Variants in NLRP2 observed in about 807,000 individuals in gnomAD.
The protein encoded by NLRP2 is NACHT, LRR and PYD domains-containing protein 2.
NLRP2 carries 107 observed loss-of-function variants against 97.2 expected under a neutral mutation model. The ratio of observed to expected loss-of-function variants is 1.10; its 90% CI spans 0.94 to 1.29. The LOEUF is 1.29. NLRP2 is among the 50% of genes most tolerant of loss of function. The probability of loss-of-function intolerance (pLI) is 0.00; values close to 1 mark genes in which losing one functional copy is unlikely to be tolerated. For synonymous variants in NLRP2, 663 were observed against 551.5 expected, an observed-to-expected ratio of 1.20 and a Z score of -2.83; for missense variants, 1,495 against 1,330.3, an observed-to-expected ratio of 1.12 and a Z score of -1.93.
chr19:54,990,416 C>CT, intron 9 of NLRP2, 86 bp from the exon 10 acceptor site: 1 of 1,413,554 alleles, frequency 7.1e-7, no homozygotes, highest in Non-Finnish European at 1.0e-6. Context: ...CAAGAAGGGG[C>CT]TTTTGGATGC....
intron 4 of NLRP2, among the ~76,000 whole-genome samples, chr19:54,979,199 G>T (rs1050030695): frequency 2.0e-5 from 3 of 151,928 alleles, no homozygotes; most frequent in African/African-American, 7.3e-5. Context: ...TAGCCAGGTT[G>T]GTCTAGAACT....
Position 54,982,186 on chromosome 19 carries a change from T to C in NLRP2, c.488T>C (p.Ile163Thr). ...GACAAAGACAATAGGTGCAGGTATA[T>C]ATTGAAGACGAAGTTCCGGGAGATG... Reference protein sequence around the residue: ...KPDKDNRCRYILKTKFREMWK... With the variant: ...KPDKDNRCRYTLKTKFREMWK... The change falls in exon 6 of 13, where the codon ATA (isoleucine) becomes ACA (threonine). Residue 163 changes from isoleucine (I) to threonine (T), a missense_variant. Physicochemically the swap from Ile to Thr is moderately conservative, Grantham distance 89. Transcript: ENST00000448584. 6.2e-7 allele frequency: 1 copy of C among 1,614,160 alleles called. No individual in the cohort carries two copies. Among genetic ancestry groups the C allele is most frequent in the Non-Finnish European group, 8.5e-7 (1 of 1,180,046 alleles).
chr19:54,981,074 G>A (rs1260813501), intron 4 of NLRP2, among the ~76,000 whole-genome samples: 1 of 152,180 alleles, frequency 6.6e-6, no homozygotes, highest in East Asian at 1.9e-4. Flanking sequence ...TTGCGCCACT[G>A]CACTCCAGCC....
At chr19:54,993,738 AC>A (rs796569808) in intron 10 of NLRP2, 8 of 246,716 alleles carry the variant, frequency 3.2e-5, no homozygotes, top group African/African-American at 9.0e-5. Flanking sequence ...ACACACACAC[AC>A]CCCCCTGTAA....
intron 1 of NLRP2, among the ~76,000 whole-genome samples, chr19:54,968,199 T>A (rs1377874365): frequency 1.4e-5 from 2 of 144,948 alleles, no homozygotes; most frequent in Non-Finnish European, 3.0e-5. Context: ...ATTACAGGCG[T>A]GAGCCACCGC....
chr19:54,981,524 C>CCCCCCCCA, intron 4 of NLRP2, 93 bp from the exon 5 acceptor site: 2 of 450,130 alleles, frequency 4.4e-6, no homozygotes, highest in Non-Finnish European at 9.1e-6. Flanking sequence ...CCCTCCCCCC[C>CCCCCCCCA]GCCCCATCAG....
chr19:54,983,908 T>C (rs2071841593), intron 6 of NLRP2, among the ~76,000 whole-genome samples, 180 bp downstream of exon 6: 1 of 152,222 alleles, frequency 6.6e-6, no homozygotes, highest in Non-Finnish European at 1.5e-5. Context: ...TGGAGCGCAG[T>C]GGCGCGATCT....
chr19:54,969,137 G>A (rs1568460981), intron 1 of NLRP2, among the ~76,000 whole-genome samples: 2 of 152,246 alleles, frequency 1.3e-5, no homozygotes, highest in South Asian at 4.1e-4. Flanking sequence ...TATAATGAGA[G>A]AGTGTTTTCG....
rs11883145 is a variant in NLRP2, at chr19:54,975,458, T to A, written c.325+914T>A. On this transcript the variant is annotated intron_variant, in intron 3 of 12. Transcript: ENST00000448584. ...TTATATCCTGAAGATTATTATTATT[T>A]TTTTTTTTTTTGAGATAGAGTCTCT... Among the ~76,000 whole-genome samples, 724 of 124,138 alleles carry A rather than the reference T, an allele frequency of 5.8e-3. 56 individuals carry two copies. Among genetic ancestry groups the A allele is most frequent in the South Asian group, 0.026 (107 of 4,170 alleles). The allele number at this position is 124,138 out of a possible 152,430, so 81.4% of individuals were successfully genotyped here.
At chr19:54,977,633 C>G (rs868537526) in intron 3 of NLRP2, 119 bp from the exon 4 acceptor site, 2 of 920,836 alleles carry the variant, frequency 2.2e-6, no homozygotes, top group African/African-American at 3.2e-5. Flanking sequence ...ACCTTATCAA[C>G]GTCCTTTTTA....
chr19:54,994,512 T>G (rs1346072753), intron 11 of NLRP2, 73 bp downstream of exon 11: 1 of 1,496,668 alleles, frequency 6.7e-7, no homozygotes, highest in Non-Finnish European at 9.3e-7. Flanking sequence ...AAATAATCAG[T>G]GAAGCCGACT....
intron 10 of NLRP2, among the ~76,000 whole-genome samples, chr19:54,992,574 G>GTTTTT (rs71181722): frequency 7.4e-5 from 7 of 94,990 alleles, no homozygotes; most frequent in Admixed American, 1.4e-4. Flanking sequence ...TTTTTTTTTG[G>GTTTTT]TTTTTTTTTT....
chr19:54,980,076 A>G (rs1287904621), intron 4 of NLRP2, among the ~76,000 whole-genome samples: 1 of 148,206 alleles, frequency 6.7e-6, no homozygotes, highest in Non-Finnish European at 1.5e-5. Context: ...TGCCCAGCCT[A>G]GCACACAATC....
At chr19:54,985,931 A>G (rs982005910) in intron 7 of NLRP2, among the ~76,000 whole-genome samples, 6 of 151,886 alleles carry the variant, frequency 4.0e-5, no homozygotes, top group Admixed American at 1.3e-4. Flanking sequence ...CGGGAGGCAG[A>G]GTTTGCTTTG....
At chr19:55,000,339 C>G (rs1179755750) in intron 12 of NLRP2, among the ~76,000 whole-genome samples, 1 of 121,922 alleles carries the variant, frequency 8.2e-6, no homozygotes, top group Admixed American at 1.0e-4. Flanking sequence ...TACAGTGGCA[C>G]GATCTCGGCT....
At chr19:54,998,630 CCTTT>C (rs1568547234) in intron 12 of NLRP2, among the ~76,000 whole-genome samples, 34 of 32,224 alleles carry the variant, frequency 1.1e-3, no homozygotes, top group Middle Eastern at 0.023. Context: ...TTTTTTTTTT[CCTTT>C]TTTTTTTTTT....
At chr19:54,976,613 C>T (rs747769111) in intron 3 of NLRP2, among the ~76,000 whole-genome samples, 26 of 151,934 alleles carry the variant, frequency 1.7e-4, no homozygotes, top group Admixed American at 2.0e-4. Flanking sequence ...TCACAAAGTA[C>T]TGGGATTACA....
chr19:54,990,546 C>G lies in NLRP2; in HGVS notation c.2582C>G (p.Ala861Gly). The change falls in exon 10 of 13, where the codon GCT (alanine) becomes GGT (glycine). Residue 861 changes from alanine (A) to glycine (G), a missense_variant. Physicochemically the swap from Ala to Gly is moderately conservative, Grantham distance 60. Coordinates refer to ENST00000448584, the MANE Select transcript of NLRP2 (RefSeq NM_017852.5). ...HLTEANCKDL[A>G]AVLVVSRELT... Reference sequence around the variant, plus strand: ...ACAGAAGCCAATTGCAAGGACCTTGCTGCTGTGTTGGTTGTCAGCCGGGAG... The same window carrying G: ...ACAGAAGCCAATTGCAAGGACCTTGGTGCTGTGTTGGTTGTCAGCCGGGAG... 1.2e-6 allele frequency: 2 copies of G among 1,614,162 alleles called. No individual in the cohort carries two copies. Among genetic ancestry groups the G allele is most frequent in the Non-Finnish European group, 1.7e-6 (2 of 1,180,020 alleles).
rs773779658 is a variant in NLRP2, at chr19:54,985,179, A to C, written c.2163A>C (p.Glu721Asp). ...LSASLVRILC[E>D]QIASDTCHLQ... Reference sequence around the variant, plus strand: ...CCTCCCTAGTAAGGATCCTGTGTGAACAAATAGCCTCTGACACCTGTCATC... The same window carrying C: ...CCTCCCTAGTAAGGATCCTGTGTGACCAAATAGCCTCTGACACCTGTCATC... The change falls in exon 7 of 13, where the codon GAA becomes GAC. Residue 721 changes from glutamate to aspartate, a missense_variant. Transcript: ENST00000448584. 2 of 1,614,036 alleles carry C rather than the reference A, an allele frequency of 1.2e-6. No individual in the cohort carries two copies. Among genetic ancestry groups the C allele is most frequent in the Non-Finnish European group, 1.7e-6 (2 of 1,180,034 alleles).
Sources: gnomAD v4.1 joint callset for allele counts (sites outside exome capture counted in the v4.1 genomes callset) on GRCh38, gnomAD v4.1.1 for gene constraint, MANE v1.5 for transcripts, NCBI Gene and HGNC (gene_info 2026-07-23, HGNC 2026-07-21) for gene names.